Variants in TASP1 observed in about 807,000 individuals in gnomAD.
The protein encoded by TASP1 is taspase 1.
A neutral mutation model predicts 56.6 loss-of-function variants in TASP1; 16 were observed. That is an observed-to-expected ratio of 0.28 (90% CI 0.19 to 0.43). TASP1 has a LOEUF of 0.43. Among genes scored for constraint, TASP1 ranks in the 20% least tolerant of loss-of-function variants. The pLI, the probability that TASP1 is intolerant of heterozygous loss-of-function variation, is 1.00. For synonymous variants in TASP1, 179 were observed against 184.2 expected (o/e 0.97, Z 0.23); for missense variants, 393 against 511.6 (o/e 0.77, Z 2.24).
chr20:13,362,611 G>A, the TASP1 span, among the ~76,000 whole-genome samples: 5 of 151,632 alleles, frequency 3.3e-5, no homozygotes, highest in East Asian at 9.7e-4. Flanking sequence ...GACTCAGCCT[G>A]CCTGCACCCA....
rs1286571530 is a variant in TASP1, at chr20:13,638,906, C to G, written c.-87G>C. 6.6e-6 allele frequency: 1 copy of G among 152,448 alleles called. No homozygotes were observed. The highest frequency in any genetic ancestry group is 1.9e-4 in the East Asian group (1 of 5,190). 9.4% of individuals were successfully genotyped at this position (152,448 alleles called of 1,614,324 possible). A position where few individuals can be genotyped will look rare whatever the true frequency, so the allele number is the denominator to read the frequency against. ...GAGGGACACTCACCCGCTTCAGCCC[C>G]GAGCCTTCACTGCACCGGAAGTAGT... On this transcript the variant is annotated 5_prime_UTR_variant, in exon 1 of 14. Coordinates refer to ENST00000337743, the MANE Select transcript of TASP1 (RefSeq NM_017714.3).
chr20:13,615,159 C>T (rs978762945), intron 4 of TASP1, among the ~76,000 whole-genome samples: 2 of 152,058 alleles, frequency 1.3e-5, no homozygotes, highest in East Asian at 1.9e-4. Flanking sequence ...CACTAGAAAA[C>T]GTTGCTTACA....
chr20:13,163,495 C>T, the TASP1 span, among the ~76,000 whole-genome samples: 1 of 152,064 alleles, frequency 6.6e-6, no homozygotes, highest in African/African-American at 2.4e-5. Context: ...GTCCATCCCC[C>T]ACCTTCAGCA....
chr20:13,599,534 G>A (rs982368702), intron 4 of TASP1, among the ~76,000 whole-genome samples: 1 of 152,158 alleles, frequency 6.6e-6, no homozygotes, highest in Non-Finnish European at 1.5e-5. Flanking sequence ...TCAGGCGGTG[G>A]GGGGCTGGGG....
chr20:13,328,218 C>G, the TASP1 span, among the ~76,000 whole-genome samples: 1 of 152,072 alleles, frequency 6.6e-6, no homozygotes, highest in Admixed American at 6.6e-5. Flanking sequence ...GCTCAACATC[C>G]CTGATCATTA....
the TASP1 span, among the ~76,000 whole-genome samples, chr20:13,332,014 G>GT: frequency 1.3e-5 from 2 of 152,126 alleles, no homozygotes; most frequent in East Asian, 1.9e-4. Flanking sequence ...AGAAATGACC[G>GT]TAAGTGGTCT....
intron 4 of TASP1, among the ~76,000 whole-genome samples, chr20:13,590,296 A>G (rs1362540586): frequency 6.6e-6 from 1 of 152,134 alleles, no homozygotes; most frequent in Non-Finnish European, 1.5e-5. Flanking sequence ...ATCAAAACCC[A>G]CAACAAAATA....
At chr20:13,276,241 C>G in the TASP1 span, among the ~76,000 whole-genome samples, 1 of 152,162 alleles carries the variant, frequency 6.6e-6, no homozygotes, top group Non-Finnish European at 1.5e-5. Flanking sequence ...AGAGGACCAA[C>G]AAGCAAGAAG....
chr20:13,390,993 G>A (rs956905861), intron 13 of TASP1, among the ~76,000 whole-genome samples: 5 of 152,162 alleles, frequency 3.3e-5, no homozygotes, highest in East Asian at 1.9e-4. Context: ...AGGTAAAGAC[G>A]GAAGTGGGGC....
the TASP1 span, among the ~76,000 whole-genome samples, chr20:13,312,622 C>T: frequency 2.6e-5 from 4 of 152,204 alleles, no homozygotes; most frequent in Non-Finnish European, 4.4e-5. Context: ...CTCTCTCCTG[C>T]TCTCCTGCCT....
chr20:13,158,320 C>T, the TASP1 span, among the ~76,000 whole-genome samples: 1 of 152,118 alleles, frequency 6.6e-6, no homozygotes, highest in Non-Finnish European at 1.5e-5. Flanking sequence ...CTTAAGAACA[C>T]TAGCTTTAGT....
intron 10 of TASP1, among the ~76,000 whole-genome samples, chr20:13,490,059 A>G (rs1432250169): frequency 3.3e-5 from 5 of 152,122 alleles, no homozygotes; most frequent in Middle Eastern, 6.8e-3. Flanking sequence ...CAAACATGCA[A>G]CTCTGTGTTG....
chr20:13,370,503 T>C, the TASP1 span, among the ~76,000 whole-genome samples: 16 of 152,216 alleles, frequency 1.1e-4, no homozygotes, highest in Middle Eastern at 3.4e-3. Context: ...AAATAATTTA[T>C]GTTAATACTA....
rs1490149764 is a variant in TASP1 at position 13,615,521 on chromosome 20, T to C, written c.282+7925A>G. Among the ~76,000 whole-genome samples, 927 of 151,146 alleles carry C rather than the reference T, an allele frequency of 6.1e-3. 10 individuals are homozygous for C. Among genetic ancestry groups the C allele is most frequent in the African/African-American group, 0.022 (885 of 41,098 alleles). ...AATCTGGTTTTTTTTTTTTTTTTTT[T>C]TGAGACACAGTCTTGCTCTGTCACC... On this transcript the variant is annotated intron_variant, in intron 4 of 13. Transcript: ENST00000337743.
At chr20:13,343,601 C>G in the TASP1 span, among the ~76,000 whole-genome samples, 2 of 150,432 alleles carry the variant, frequency 1.3e-5, no homozygotes, top group Admixed American at 6.6e-5. Flanking sequence ...CCCGCCCCCA[C>G]TGTGGTTCCT....
At chr20:13,420,528 A>G (rs1343843191) in intron 12 of TASP1, among the ~76,000 whole-genome samples, 2 of 152,254 alleles carry the variant, frequency 1.3e-5, no homozygotes, top group Non-Finnish European at 2.9e-5. Context: ...TTATTAATTC[A>G]CGCTAGCTTG....
At chr20:13,256,460 C>T in the TASP1 span, among the ~76,000 whole-genome samples, 2 of 151,240 alleles carry the variant, frequency 1.3e-5, no homozygotes, top group African/African-American at 2.4e-5. Flanking sequence ...GAGTTGAATC[C>T]CAAAACCCAT....
intron 8 of TASP1, among the ~76,000 whole-genome samples, chr20:13,550,218 C>T (rs1192180193): frequency 2.0e-5 from 3 of 148,730 alleles, no homozygotes; most frequent in Admixed American, 6.7e-5. Flanking sequence ...CATCAAAGGT[C>T]GAAAGTTTTA....
intron 10 of TASP1, among the ~76,000 whole-genome samples, chr20:13,507,573 A>T (rs1293393249): frequency 6.6e-6 from 1 of 151,956 alleles, no homozygotes; most frequent in African/African-American, 2.4e-5. Context: ...AATGATGAAG[A>T]AACTGAAGAA....
Sources: gnomAD v4.1 joint callset for allele counts (sites outside exome capture counted in the v4.1 genomes callset) on GRCh38, gnomAD v4.1.1 for gene constraint, MANE v1.5 for transcripts, NCBI Gene and HGNC (gene_info 2026-07-23, HGNC 2026-07-21) for gene names.